LSAMP: variants seen among roughly 807,000 people sequenced by gnomAD.
LSAMP encodes the protein limbic system-associated membrane protein.
LSAMP carries 7 observed loss-of-function variants against 38.6 expected under a neutral mutation model. That is an observed-to-expected ratio of 0.18 (90% CI 0.10 to 0.34). The LOEUF (loss-of-function observed/expected upper bound fraction) is 0.34. Among genes scored for constraint, LSAMP ranks in the 10% least tolerant of loss-of-function variants. The pLI, the probability that LSAMP is intolerant of heterozygous loss-of-function variation, is 1.00. For synonymous variants in LSAMP, 154 were observed against 166.8 expected (o/e 0.92, Z 0.59); for missense variants, 313 against 420.0 (o/e 0.75, Z 2.23).
intron 3 of LSAMP, among the ~76,000 whole-genome samples, chr3:115,924,238 G>A (rs372306911): frequency 2.6e-5 from 4 of 152,224 alleles, no homozygotes; most frequent in South Asian, 2.1e-4. Flanking sequence ...CACCATTTGT[G>A]CAGCCTTATT....
chr3:116,186,298 C>T (rs879276297), intron 1 of LSAMP, among the ~76,000 whole-genome samples: 3 of 152,112 alleles, frequency 2.0e-5, no homozygotes, highest in African/African-American at 7.2e-5. Context: ...ATCATCTTGT[C>T]CCGACCAATG....
intron 1 of LSAMP, among the ~76,000 whole-genome samples, chr3:116,155,820 C>T (rs999390127): frequency 6.6e-6 from 1 of 152,082 alleles, no homozygotes; most frequent in African/African-American, 2.4e-5. Context: ...TTTCAGTTGA[C>T]TATCTTTGTG....
chr3:115,928,764 G>A (rs2107535176), intron 3 of LSAMP, among the ~76,000 whole-genome samples: 1 of 152,268 alleles, frequency 6.6e-6, no homozygotes, highest in Admixed American at 6.5e-5. Context: ...ACCCCAAGGT[G>A]TGGGAATTAT....
chr3:116,173,409 A>G (rs976475013), intron 1 of LSAMP, among the ~76,000 whole-genome samples: 1 of 152,034 alleles, frequency 6.6e-6, no homozygotes, highest in Non-Finnish European at 1.5e-5. Flanking sequence ...CAACTTGGGG[A>G]TAACAAAGAT....
chr3:116,220,391 AC>A (rs1485199738), intron 1 of LSAMP, among the ~76,000 whole-genome samples: 1 of 150,806 alleles, frequency 6.6e-6, no homozygotes, highest in Non-Finnish European at 1.5e-5. Flanking sequence ...ACACACACAC[AC>A]ACAAAAGATA....
intron 1 of LSAMP, among the ~76,000 whole-genome samples, chr3:116,109,328 G>A (rs28773231): frequency 6.6e-6 from 1 of 152,106 alleles, no homozygotes; most frequent in Non-Finnish European, 1.5e-5. Context: ...GAGGAGCAGA[G>A]GCTGAGGAAG....
At chr3:116,163,347 T>C (rs1267594081) in intron 1 of LSAMP, among the ~76,000 whole-genome samples, 1 of 151,420 alleles carries the variant, frequency 6.6e-6, no homozygotes, top group Non-Finnish European at 1.5e-5. Flanking sequence ...GTTCTTGTGA[T>C]AGTTTGCTGA....
chr3:115,906,606 G>T (rs2107495740), intron 3 of LSAMP, among the ~76,000 whole-genome samples: 1 of 152,168 alleles, frequency 6.6e-6, no homozygotes, highest in African/African-American at 2.4e-5. Flanking sequence ...TTTCCTACTG[G>T]CTGCATATCC....
At position 115,854,279 on chromosome 3, in the gene LSAMP, ATTATTTT is replaced by A. The variant is rs1292138318; in HGVS notation, c.515-1669_515-1663del. Among the ~76,000 whole-genome samples the A allele has an allele frequency of 1.2e-3, 145 of 116,342 alleles. 1 individual carries two copies. The East Asian group carries it at 0.016, about 13-fold the overall frequency. The allele number at this position is 116,342 out of a possible 152,430, so 76.3% of individuals were successfully genotyped here. On this transcript the variant is annotated intron_variant, in intron 3 of 6. Transcript: ENST00000490035. ...TATTATTATTATTATTATTATTATT[ATTATTTT>A]TTTTTTTTTTTTTTGAGATGGAGTC...
intron 3 of LSAMP, among the ~76,000 whole-genome samples, chr3:115,863,288 G>C (rs1395576973): frequency 6.6e-6 from 1 of 152,202 alleles, no homozygotes; most frequent in Admixed American, 6.5e-5. Flanking sequence ...ACCCTGAGGG[G>C]TGGACCTCAG....
intron 1 of LSAMP, among the ~76,000 whole-genome samples, chr3:116,109,870 G>T (rs1301499315): frequency 6.6e-6 from 1 of 151,800 alleles, no homozygotes; most frequent in African/African-American, 2.4e-5. Flanking sequence ...AAGCGGGAAG[G>T]GGGGTCGGGG....
At chr3:116,151,271 G>A (rs553084822) in intron 1 of LSAMP, among the ~76,000 whole-genome samples, 1 of 152,112 alleles carries the variant, frequency 6.6e-6, no homozygotes, top group South Asian at 2.1e-4. Flanking sequence ...TTACAGAAAA[G>A]GGACATTTAT....
Position 116,026,991 on chromosome 3 carries a change from G to A in LSAMP, c.389-7351C>T, listed in dbSNP as rs115375410. 1.6e-3 allele frequency among the ~76,000 whole-genome samples: 247 copies of A among 152,304 alleles called. 1 individual carries two copies. Among genetic ancestry groups the A allele is most frequent in the African/African-American group, 5.8e-3 (243 of 41,558 alleles). Reference sequence around the variant, plus strand: ...TGGGAGATGCCAGACAGAATTGTCAGATAAAATAGTGTACCTAGTTAAATA... The same window carrying A: ...TGGGAGATGCCAGACAGAATTGTCAAATAAAATAGTGTACCTAGTTAAATA... On this transcript the variant is annotated intron_variant, in intron 2 of 6. Transcript: ENST00000490035.
At chr3:116,203,742 A>G (rs1047376747) in intron 1 of LSAMP, among the ~76,000 whole-genome samples, 4 of 151,860 alleles carry the variant, frequency 2.6e-5, no homozygotes, top group Admixed American at 6.6e-5. Context: ...ATCATTTTTT[A>G]TGGCTGCATA....
At chr3:115,944,147 A>G (rs1245971239) in intron 3 of LSAMP, among the ~76,000 whole-genome samples, 1 of 152,162 alleles carries the variant, frequency 6.6e-6, no homozygotes, top group Non-Finnish European at 1.5e-5. Context: ...TAGGGAAGAA[A>G]GCTGCTGCTA....
intron 1 of LSAMP, among the ~76,000 whole-genome samples, chr3:116,168,388 C>T (rs1375570837): frequency 1.3e-5 from 2 of 152,140 alleles, no homozygotes; most frequent in African/African-American, 4.8e-5. Context: ...AAAAACCCAT[C>T]ATTTTATTGT....
intron 1 of LSAMP, among the ~76,000 whole-genome samples, chr3:116,279,149 A>G (rs1173852003): frequency 6.6e-6 from 1 of 152,190 alleles, no homozygotes; most frequent in African/African-American, 2.4e-5. Context: ...TGTTAATTCT[A>G]TGTGTCCCTG....
chr3:116,066,672 T>C (rs1298556168), intron 2 of LSAMP, among the ~76,000 whole-genome samples: 1 of 152,160 alleles, frequency 6.6e-6, no homozygotes, highest in African/African-American at 2.4e-5. Context: ...TAAATTAACA[T>C]CCTCAGTTGA....
chr3:115,823,341 T>A (rs1277048818), intron 6 of LSAMP, among the ~76,000 whole-genome samples: 1 of 152,232 alleles, frequency 6.6e-6, no homozygotes, highest in African/African-American at 2.4e-5. Context: ...CTCCTGGGCC[T>A]GCCTCTGCTA....
Sources: allele counts gnomAD v4.1 joint callset (sites outside exome capture counted in the v4.1 genomes callset), GRCh38; gene constraint gnomAD v4.1.1; transcripts MANE v1.5; gene names NCBI Gene and HGNC (gene_info 2026-07-23, HGNC 2026-07-21).